The following LCLAT1 variants were observed in gnomAD, a reference collection of about 807,000 sequenced individuals.
LCLAT1 encodes lysocardiolipin acyltransferase 1.
LCLAT1 carries 11 observed loss-of-function variants against 30.7 expected under a neutral mutation model. The observed-to-expected ratio is 0.36, with a 90% CI of 0.23 to 0.59. The LOEUF (loss-of-function observed/expected upper bound fraction) is 0.59, where lower values mean the gene tolerates loss of function less well. Ranked by LOEUF, LCLAT1 falls within the 20% of genes least tolerant of loss-of-function variation. The pLI is 0.77. For synonymous variants in LCLAT1, 155 were observed against 151.3 expected, an observed-to-expected ratio of 1.02 and a Z score of -0.18; for missense variants, 402 against 458.6, an observed-to-expected ratio of 0.88 and a Z score of 1.13.
intron 1 of LCLAT1, among the ~76,000 whole-genome samples, chr2:30,462,278 T>C (rs1286040993): frequency 6.6e-6 from 1 of 152,186 alleles, no homozygotes; most frequent in African/African-American, 2.4e-5. Flanking sequence ...AGTTTGTATC[T>C]CCAGTAAGTT....
At position 30,587,322 on chromosome 2, in the gene LCLAT1, G is replaced by GT. The variant is rs60077705; in HGVS notation, c.628+19156dup. On this transcript the variant is annotated intron_variant, in intron 5 of 5. Transcript: ENST00000379509. ...AATTTGTGGTTATTTAAACATGGTA[G>GT]TTTTTTTTTTATGATGTTGAGACTG... is the stretch of plus-strand genomic sequence containing the variant. 7.4e-3 allele frequency among the ~76,000 whole-genome samples: 1,110 copies of GT among 150,464 alleles called. 10 individuals are homozygous for GT. Among genetic ancestry groups the GT allele is most frequent in the African/African-American group, 0.025 (1,020 of 41,192 alleles).
chr2:30,608,634 A>G (rs1171368717), intron 5 of LCLAT1, among the ~76,000 whole-genome samples: 6 of 152,094 alleles, frequency 3.9e-5, no homozygotes, highest in African/African-American at 7.2e-5. Context: ...ATTGCCAACA[A>G]TATTCAGTAC....
At chr2:30,459,581 G>A (rs1262113959) in intron 1 of LCLAT1, 2 of 1,470,744 alleles carry the variant, frequency 1.4e-6, no homozygotes, top group Non-Finnish European at 1.9e-6. Flanking sequence ...ACTCTCTTCT[G>A]GGAAGCTGGC....
chr2:30,606,919 G>T (rs1359955740), intron 5 of LCLAT1: 1 of 152,018 alleles, frequency 6.6e-6, no homozygotes, highest in Non-Finnish European at 1.5e-5. Context: ...AAAAAAGTGG[G>T]CAAGGGACAT....
intron 5 of LCLAT1, among the ~76,000 whole-genome samples, chr2:30,605,619 A>G (rs1340475784): frequency 6.6e-6 from 1 of 152,192 alleles, no homozygotes; most frequent in African/African-American, 2.4e-5. Flanking sequence ...TAATTTCTTC[A>G]TCAGTGACAT....
At position 30,579,059 on chromosome 2, in the gene LCLAT1, T is replaced by C. The variant is rs75128438; in HGVS notation, c.628+10883T>C. 2.3e-4 allele frequency among the ~76,000 whole-genome samples: 35 copies of C among 152,284 alleles called. No individual in the cohort carries two copies. The East Asian group carries it at 6.2e-3, about 27-fold the overall frequency. On this transcript the variant is annotated intron_variant, in intron 5 of 5. Transcript: ENST00000379509. ...ACTTAAATTCATTAGAAAGGGTCTC[T>C]GTTGCCACGGCACCTGGCCTGTTCC...
At chr2:30,565,849 T>C (rs146917021) in intron 4 of LCLAT1, among the ~76,000 whole-genome samples, 48 of 152,288 alleles carry the variant, frequency 3.2e-4, no homozygotes, top group African/African-American at 1.1e-3. Context: ...AAAGCCTCTC[T>C]GTTAAGTTTC....
intron 2 of LCLAT1, among the ~76,000 whole-genome samples, chr2:30,531,823 A>G (rs1455420250): frequency 1.3e-5 from 2 of 152,170 alleles, no homozygotes; most frequent in Non-Finnish European, 2.9e-5. Context: ...GCATTTTTAA[A>G]AAAATGCCTT....
chr2:30,626,704 C>G (rs1490966168), intron 5 of LCLAT1, among the ~76,000 whole-genome samples: 2 of 151,644 alleles, frequency 1.3e-5, no homozygotes, highest in East Asian at 3.9e-4. Flanking sequence ...TTTTCTCCCT[C>G]TAATTTTCAA....
At chr2:30,494,571 CAT>C (rs1553361538) in intron 1 of LCLAT1, among the ~76,000 whole-genome samples, 1 of 151,358 alleles carries the variant, frequency 6.6e-6, no homozygotes, top group African/African-American at 2.4e-5. Context: ...TGCATACACA[CAT>C]GCATACGTGC....
intron 5 of LCLAT1, among the ~76,000 whole-genome samples, chr2:30,577,471 G>T (rs759403536): frequency 6.6e-6 from 1 of 152,048 alleles, no homozygotes; most frequent in South Asian, 2.1e-4. Flanking sequence ...AAGTGCATAT[G>T]TACACAAAAT....
At chr2:30,480,028 T>A (rs185918588) in intron 1 of LCLAT1, among the ~76,000 whole-genome samples, 96 of 152,310 alleles carry the variant, frequency 6.3e-4, no homozygotes, top group Non-Finnish European at 1.2e-3. Context: ...TCTCATTACA[T>A]CATAGAGATA....
chr2:30,522,023 G>A (rs191368594), intron 1 of LCLAT1, among the ~76,000 whole-genome samples: 1 of 152,124 alleles, frequency 6.6e-6, no homozygotes, highest in Non-Finnish European at 1.5e-5. Context: ...CATGTTGCAT[G>A]GATCAGTAGT....
intron 1 of LCLAT1, among the ~76,000 whole-genome samples, chr2:30,524,975 C>T (rs189789059): frequency 5.5e-4 from 83 of 151,688 alleles, no homozygotes; most frequent in Admixed American, 1.2e-3. Context: ...TAGGAAAAAA[C>T]TCTGGAATAT....
At chr2:30,458,943 C>T (rs1681966742) in intron 1 of LCLAT1, among the ~76,000 whole-genome samples, 1 of 152,164 alleles carries the variant, frequency 6.6e-6, no homozygotes, top group African/African-American at 2.4e-5. Context: ...AACTGAGTAA[C>T]ATTCATTCTG....
chr2:30,515,670 A>G (rs761991632), intron 1 of LCLAT1, among the ~76,000 whole-genome samples: 3 of 152,200 alleles, frequency 2.0e-5, no homozygotes, highest in Admixed American at 1.3e-4. Flanking sequence ...TGTCAATAAA[A>G]TGTTATATGC....
chr2:30,454,695 C>G (rs1019896292), intron 1 of LCLAT1, among the ~76,000 whole-genome samples: 2 of 152,026 alleles, frequency 1.3e-5, no homozygotes, highest in Admixed American at 6.5e-5. Context: ...GTGATTCTCC[C>G]TCTTCGACCT....
At chr2:30,616,190 A>T (rs115306007) in intron 5 of LCLAT1, among the ~76,000 whole-genome samples, 1 of 152,142 alleles carries the variant, frequency 6.6e-6, no homozygotes, top group African/African-American at 2.4e-5. Flanking sequence ...TTGTTGTTGT[A>T]TTTTGGTTGC....
At chr2:30,606,481 A>G (rs1465554321) in intron 5 of LCLAT1, 1 of 143,116 alleles carries the variant, frequency 7.0e-6, no homozygotes, top group Non-Finnish European at 1.5e-5. Context: ...AAAACAAGCA[A>G]TGGGGAAAGG....
Sources: allele counts gnomAD v4.1 joint callset (sites outside exome capture counted in the v4.1 genomes callset), GRCh38; gene constraint gnomAD v4.1.1; transcripts MANE v1.5; gene names NCBI Gene and HGNC (gene_info 2026-07-23, HGNC 2026-07-21).